Variants in LZTS1 observed in about 807,000 individuals in gnomAD.
LZTS1 encodes the protein leucine zipper putative tumor suppressor 1.
Under a neutral mutation model 45.8 loss-of-function variants are expected in LZTS1, and 31 were observed. The ratio of observed to expected loss-of-function variants is 0.68; its 90% CI spans 0.51 to 0.91. The LOEUF is 0.91. Ranked by LOEUF, LZTS1 falls within the 40% of genes least tolerant of loss-of-function variation. The probability of loss-of-function intolerance (pLI) is 0.00; values close to 1 mark genes in which losing one functional copy is unlikely to be tolerated. For missense variants in LZTS1, 821 were observed against 788.9 expected, an observed-to-expected ratio of 1.04 and a Z score of -0.49; for synonymous variants, 359 against 357.3, an observed-to-expected ratio of 1.00 and a Z score of -0.05.
chr8:20,302,034 C>A (rs1438827034), intron 1 of LZTS1, among the ~76,000 whole-genome samples: 19 of 152,142 alleles, frequency 1.2e-4, no homozygotes, highest in Admixed American at 1.1e-3. Context: ...CCCACACTCA[C>A]ATCCACCCAG....
chr8:20,293,063 G>A lies in LZTS1; in HGVS notation c.-135+10677C>T, dbSNP rs116661007. On this transcript the variant is annotated intron_variant, in intron 1 of 3. Coordinates refer to ENST00000381569, the MANE Select transcript of LZTS1 (RefSeq NM_021020.5). ...CCTCGGTCACCCCAGATATTCCCCG[G>A]CTACAAGAGGTCTCTGGGAAACTGT... Among the ~76,000 whole-genome samples, 417 of 152,114 alleles carry A rather than the reference G, an allele frequency of 2.7e-3. 2 individuals carry two copies. Among genetic ancestry groups the A allele is most frequent in the African/African-American group, 9.7e-3 (401 of 41,496 alleles).
intron 3 of LZTS1, 21 bp from the exon 4 acceptor site, chr8:20,250,384 A>ACAGAGTG: frequency 2.6e-6 from 4 of 1,568,364 alleles, no homozygotes; most frequent in Non-Finnish European, 3.5e-6. Flanking sequence ...TGGGGTGGAG[A>ACAGAGTG]CAGAGTGCCA....
chr8:20,293,141 C>T (rs1001820331), intron 1 of LZTS1, among the ~76,000 whole-genome samples: 11 of 152,070 alleles, frequency 7.2e-5, no homozygotes, highest in African/African-American at 2.7e-4. Flanking sequence ...AATGGTATTT[C>T]TAGAAAGAAG....
At position 20,253,045 on chromosome 8, in the gene LZTS1, C is replaced by A. The variant is rs779973869; in HGVS notation, c.886G>T (p.Glu296Ter). The change falls in exon 3 of 4, where the codon GAG becomes TAG. Residue 296 changes from glutamate (E) to a stop codon, truncating the protein, a stop_gained. Coordinates refer to ENST00000381569, the MANE Select transcript of LZTS1 (RefSeq NM_021020.5). LOFTEE classifies it high-confidence loss of function. ...TCCCTGCAGCGCCGCGGCCGCTCCT[C>A]GTAGGCCAGGCTGGAGGCAAGCTCC... ...EKELASSLAY[E>*]ERPRRCRDEL... 1 of 1,605,244 alleles carries A rather than the reference C, an allele frequency of 6.2e-7. No homozygotes were observed. Among genetic ancestry groups the A allele is most frequent in the Admixed American group, 1.7e-5 (1 of 59,896 alleles).
intron 1 of LZTS1, among the ~76,000 whole-genome samples, chr8:20,283,123 G>A (rs1800726376): frequency 6.6e-6 from 1 of 152,170 alleles, no homozygotes; most frequent in South Asian, 2.1e-4. Context: ...GGTCAGGACT[G>A]AAAAGAAGAC....
At chr8:20,268,210 G>T (rs1038705466) in intron 1 of LZTS1, among the ~76,000 whole-genome samples, 1 of 138,550 alleles carries the variant, frequency 7.2e-6, no homozygotes, top group African/African-American at 2.7e-5. Flanking sequence ...CTGCCTCTGG[G>T]CCTCCAGGAG....
At chr8:20,255,799 G>T (rs1200227011) in intron 1 of LZTS1, among the ~76,000 whole-genome samples, 2 of 152,140 alleles carry the variant, frequency 1.3e-5, no homozygotes, top group African/African-American at 2.4e-5. Context: ...GGGCAGCCAG[G>T]CATGATGGTT....
At chr8:20,259,633 C>T (rs1163916467) in intron 1 of LZTS1, among the ~76,000 whole-genome samples, 1 of 152,190 alleles carries the variant, frequency 6.6e-6, no homozygotes, top group Non-Finnish European at 1.5e-5. Context: ...CATCTCTTTC[C>T]TGGTGGGTGA....
rs144151240 is a variant in LZTS1, at chr8:20,263,438, G to T, written c.-134-8123C>A. ...AACATTTTGGCTCTGACTTCTAAGG[G>T]TTTCCTGACCCCTAATGCCCCTTGA... On this transcript the variant is annotated intron_variant, in intron 1 of 3. Coordinates refer to ENST00000381569, the MANE Select transcript of LZTS1 (RefSeq NM_021020.5). Among the ~76,000 whole-genome samples the T allele has an allele frequency of 1.2e-4, 18 of 152,154 alleles. No individual in the cohort carries two copies. In the East Asian group the frequency reaches 3.5e-3, roughly 29 times the overall value.
intron 1 of LZTS1, among the ~76,000 whole-genome samples, chr8:20,258,935 C>T (rs1189543318): frequency 6.6e-6 from 1 of 152,186 alleles, no homozygotes; most frequent in Non-Finnish European, 1.5e-5. Context: ...CTGATATAAA[C>T]TTGACACTGA....
Position 20,255,219 on chromosome 8 carries a change from G to C in LZTS1, c.-38C>G. On this transcript the variant is annotated 5_prime_UTR_variant, in exon 2 of 4. Transcript: ENST00000381569. Reference sequence around the variant, plus strand: ...CTGAGGATGGGGCAGGGCCGGGCAGGGTCTTGGAAAGGCTGTGGCAGCAAG... The same window carrying C: ...CTGAGGATGGGGCAGGGCCGGGCAGCGTCTTGGAAAGGCTGTGGCAGCAAG... 1 of 1,577,796 alleles carries C rather than the reference G, an allele frequency of 6.3e-7. No individual in the cohort carries two copies. The highest frequency in any genetic ancestry group is 8.6e-7 in the Non-Finnish European group (1 of 1,163,592).
chr8:20,274,600 C>T (rs1261690126), intron 1 of LZTS1, among the ~76,000 whole-genome samples: 3 of 152,216 alleles, frequency 2.0e-5, no homozygotes, highest in Non-Finnish European at 2.9e-5. Context: ...AAGATTACAG[C>T]TGGACAGCGT....
At chr8:20,303,426 C>T (rs555010391) in intron 1 of LZTS1, among the ~76,000 whole-genome samples, 1 of 152,304 alleles carries the variant, frequency 6.6e-6, no homozygotes, top group South Asian at 2.1e-4. Flanking sequence ...ACTGACGTCC[C>T]CGCCAGGATC....
At chr8:20,261,944 GA>G (rs934517116) in intron 1 of LZTS1, among the ~76,000 whole-genome samples, 2 of 152,052 alleles carry the variant, frequency 1.3e-5, no homozygotes, top group African/African-American at 4.8e-5. Flanking sequence ...CCTGCTCCCT[GA>G]CATCCTTCCC....
Position 20,253,373 on chromosome 8 carries a change from G to A in LZTS1, c.558C>T (p.Ser186=), listed in dbSNP as rs1430251350. ...RNSMSSLPTH[S]TSSSYQLDPL... ...GGTCCAGCTGGTAGCTGCTGCTGGT[G>A]CTGTGTGTGGGCAGGCTGGACATGG... Residue 186 remains serine (S), a synonymous_variant, in exon 3 of 4, where the codon AGC becomes AGT. Coordinates refer to ENST00000381569, the MANE Select transcript of LZTS1 (RefSeq NM_021020.5). 1 of 1,613,316 alleles carries A rather than the reference G, an allele frequency of 6.2e-7. No homozygotes were observed.
chr8:20,278,996 A>G (rs139154962), intron 1 of LZTS1, among the ~76,000 whole-genome samples: 18 of 152,124 alleles, frequency 1.2e-4, no homozygotes, highest in Middle Eastern at 3.4e-3. Flanking sequence ...CTTTCTCACC[A>G]TTTCTTCCAA....
intron 1 of LZTS1, among the ~76,000 whole-genome samples, chr8:20,281,622 T>C (rs752113021): frequency 1.3e-5 from 2 of 152,164 alleles, no homozygotes; most frequent in African/African-American, 2.4e-5. Flanking sequence ...AGTGAGTTCT[T>C]GCTGAATTCG....
intron 1 of LZTS1, among the ~76,000 whole-genome samples, chr8:20,263,275 G>A (rs1273711495): frequency 2.0e-5 from 3 of 151,826 alleles, no homozygotes; most frequent in Admixed American, 2.0e-4. Flanking sequence ...CTGGTGCAGA[G>A]CCTCGAGGCC....
intron 3 of LZTS1, among the ~76,000 whole-genome samples, chr8:20,251,141 ATATATAT>A (rs1799894818): frequency 4.1e-5 from 4 of 97,994 alleles, no homozygotes; most frequent in Non-Finnish European, 8.3e-5. Context: ...ATATATATAT[ATATATAT>A]AAAATATAAA....
Sources: gnomAD v4.1 joint callset for allele counts (sites outside exome capture counted in the v4.1 genomes callset) on GRCh38, gnomAD v4.1.1 for gene constraint, MANE v1.5 for transcripts, NCBI Gene and HGNC (gene_info 2026-07-23, HGNC 2026-07-21) for gene names.